GPM6A: variants seen among roughly 807,000 people sequenced by gnomAD.
The protein encoded by GPM6A is neuronal membrane glycoprotein M6-a.
Under a neutral mutation model 32.1 loss-of-function variants are expected in GPM6A, and 7 were observed. That is an observed-to-expected ratio of 0.22 (90% confidence interval 0.12 to 0.41). GPM6A has a LOEUF of 0.41. Among genes scored for constraint, GPM6A ranks in the 10% least tolerant of loss-of-function variants. The pLI is 1.00. For missense variants in GPM6A, 235 were observed against 347.2 expected, an observed-to-expected ratio of 0.68 and a Z score of 2.57; for synonymous variants, 130 against 123.4, an observed-to-expected ratio of 1.05 and a Z score of -0.35.
rs1228399686 is a variant in GPM6A at position 175,804,961 on chromosome 4, C to T, written c.37+7230G>A. 3.9e-5 allele frequency among the ~76,000 whole-genome samples: 6 copies of T among 151,972 alleles called. No homozygotes were observed. In the South Asian group the frequency reaches 1.0e-3, roughly 26 times the overall value. On this transcript the variant is annotated intron_variant, in intron 1 of 6. Transcript: ENST00000393658. ...TCGGGAGGCTGAGGCAGGAGAATGG[C>T]GTGAACCTGGGAGGTCGAGCTTGCA...
intron 1 of GPM6A, among the ~76,000 whole-genome samples, chr4:175,984,727 T>G (rs1740922781): frequency 6.6e-6 from 1 of 152,202 alleles, no homozygotes; most frequent in African/African-American, 2.4e-5. Flanking sequence ...TTTTTACAAT[T>G]AGATCTTTAT....
At chr4:175,666,208 C>T (rs1742745714) in intron 3 of GPM6A, among the ~76,000 whole-genome samples, 2 of 152,120 alleles carry the variant, frequency 1.3e-5, no homozygotes, top group African/African-American at 4.8e-5. Flanking sequence ...GCGTGAGCCA[C>T]TGTGCCCGGA....
At chr4:175,903,612 A>G (rs1738035971) in intron 1 of GPM6A, among the ~76,000 whole-genome samples, 1 of 152,212 alleles carries the variant, frequency 6.6e-6, no homozygotes. Context: ...CACTGGGAAT[A>G]GCACCATGTG....
intron 1 of GPM6A, among the ~76,000 whole-genome samples, chr4:175,898,615 C>G (rs926878491): frequency 6.6e-6 from 1 of 152,144 alleles, no homozygotes; most frequent in African/African-American, 2.4e-5. Context: ...ACCTCTCAAA[C>G]ATTCTGAGAA....
chr4:175,644,121 G>GC (rs1741312056), intron 4 of GPM6A, among the ~76,000 whole-genome samples: 1 of 110,380 alleles, frequency 9.1e-6, no homozygotes, highest in Middle Eastern at 5.6e-3. Context: ...TTTTCCGTTT[G>GC]TTTTTTTTTT....
intron 1 of GPM6A, among the ~76,000 whole-genome samples, chr4:175,702,294 G>A (rs957808577): frequency 4.6e-5 from 7 of 152,074 alleles, no homozygotes; most frequent in Non-Finnish European, 5.9e-5. Context: ...GATATCCACC[G>A]CCTAAAATAT....
chr4:175,658,824 G>A (rs183390999), intron 3 of GPM6A, among the ~76,000 whole-genome samples: 2 of 152,292 alleles, frequency 1.3e-5, no homozygotes, highest in East Asian at 1.9e-4. Context: ...CGATCTAAGT[G>A]TTCACTGTGT....
At chr4:175,863,554 C>T (rs1736638254) in intron 1 of GPM6A, among the ~76,000 whole-genome samples, 1 of 151,886 alleles carries the variant, frequency 6.6e-6, no homozygotes, top group Admixed American at 6.6e-5. Context: ...GTTTATGAGT[C>T]TTGGCGTGAG....
chr4:175,705,093 A>T (rs1293682367), intron 1 of GPM6A, among the ~76,000 whole-genome samples: 1 of 152,170 alleles, frequency 6.6e-6, no homozygotes, highest in Non-Finnish European at 1.5e-5. Context: ...TGCAAGGGGG[A>T]TACTGGAGTT....
At chr4:175,864,033 C>G (rs1708626923) in intron 1 of GPM6A, among the ~76,000 whole-genome samples, 1 of 152,086 alleles carries the variant, frequency 6.6e-6, no homozygotes, top group African/African-American at 2.4e-5. Context: ...TCCATTTTAT[C>G]AATACCATTG....
At chr4:175,930,363 G>A (rs1449329318) in intron 1 of GPM6A, among the ~76,000 whole-genome samples, 6 of 144,384 alleles carry the variant, frequency 4.2e-5, no homozygotes, top group Non-Finnish European at 7.6e-5. Context: ...GAGCAACAAC[G>A]AAAAGCATAA....
At chr4:175,755,449 T>G (rs1187499660) in intron 1 of GPM6A, among the ~76,000 whole-genome samples, 2 of 152,172 alleles carry the variant, frequency 1.3e-5, no homozygotes, top group Admixed American at 6.5e-5. Flanking sequence ...TTTTCAATTC[T>G]AAAATGAATC....
At chr4:175,925,370 A>G (rs1263080913) in intron 1 of GPM6A, among the ~76,000 whole-genome samples, 1 of 152,226 alleles carries the variant, frequency 6.6e-6, no homozygotes, top group Non-Finnish European at 1.5e-5. Flanking sequence ...CATTTAGCAA[A>G]TGATCTTCAA....
intron 3 of GPM6A, among the ~76,000 whole-genome samples, chr4:175,668,214 G>T (rs1001575129): frequency 9.2e-5 from 14 of 151,932 alleles, no homozygotes; most frequent in Non-Finnish European, 1.8e-4. Flanking sequence ...GTTACACTGA[G>T]ATTGGTCCAC....
chr4:175,636,114 C>A (rs916331556), intron 6 of GPM6A, among the ~76,000 whole-genome samples: 1 of 151,390 alleles, frequency 6.6e-6, no homozygotes, highest in Non-Finnish European at 1.5e-5. Context: ...AGATGCATAC[C>A]ACTATAAATA....
chr4:175,984,452 C>T (rs1292026370), intron 1 of GPM6A, among the ~76,000 whole-genome samples: 2 of 152,068 alleles, frequency 1.3e-5, no homozygotes, highest in African/African-American at 2.4e-5. Flanking sequence ...CATGAGCCAC[C>T]GCGCCCAGCC....
At chr4:175,925,806 G>A (rs1207340659) in intron 1 of GPM6A, among the ~76,000 whole-genome samples, 8 of 150,244 alleles carry the variant, frequency 5.3e-5, no homozygotes, top group East Asian at 1.9e-4. Context: ...AAATGTGTAT[G>A]TGTATGTATT....
intron 1 of GPM6A, among the ~76,000 whole-genome samples, chr4:175,952,343 G>A (rs1448281765): frequency 2.0e-5 from 3 of 152,160 alleles, no homozygotes; most frequent in African/African-American, 7.2e-5. Context: ...GATGTCCAAG[G>A]AGTCTAGTGG....
intron 1 of GPM6A, among the ~76,000 whole-genome samples, chr4:175,871,538 A>C (rs1439862794): frequency 6.6e-6 from 1 of 152,158 alleles, no homozygotes; most frequent in African/African-American, 2.4e-5. Context: ...CTGATTTCTG[A>C]ATATTTTTCA....
Sources: gnomAD v4.1 joint callset for allele counts (sites outside exome capture counted in the v4.1 genomes callset) on GRCh38, gnomAD v4.1.1 for gene constraint, MANE v1.5 for transcripts, NCBI Gene and HGNC (gene_info 2026-07-23, HGNC 2026-07-21) for gene names.